MCF2: variants seen among roughly 807,000 people sequenced by gnomAD.
MCF2 encodes MCF.2 cell line derived transforming sequence.
A neutral mutation model predicts 82.5 loss-of-function variants in MCF2; 44 were observed. The ratio of observed to expected loss-of-function variants is 0.53; its 90% CI spans 0.42 to 0.69. The LOEUF is 0.69. Ranked by LOEUF, MCF2 falls within the 30% of genes least tolerant of loss-of-function variation. The pLI is 0.00. For missense variants in MCF2, 623 were observed against 663.1 expected, an observed-to-expected ratio of 0.94 and a Z score of 0.66; for synonymous variants, 217 against 224.9, an observed-to-expected ratio of 0.96 and a Z score of 0.32.
intron 1 of MCF2, among the ~76,000 whole-genome samples, chrX:139,636,074 A>T (rs763822419): frequency 8.9e-6 from 1 of 112,049 alleles, no homozygotes; most frequent in East Asian, 2.8e-4. Context: ...AAATATTAAT[A>T]AGATAGTTTT....
At chrX:139,642,536 A>G in exon 1 of MCF2, 1 of 1,211,388 alleles carries the variant, frequency 8.3e-7, no homozygotes. Context: ...GTACGCAATT[A>G]CACTTTTCTT....
Position 139,684,031 on chromosome X carries a change from C to T in MCF2, c.-45+24075G>A, listed in dbSNP as rs139919968. Among the ~76,000 whole-genome samples, 911 of 112,332 alleles carry T rather than the reference C, an allele frequency of 8.1e-3. 7 individuals are homozygous for T. Among genetic ancestry groups the T allele is most frequent in the African/African-American group, 0.028 (863 of 31,002 alleles). On this transcript the variant is annotated intron_variant, in intron 1 of 27. Transcript: ENST00000414978. ...TGCGATTCAAGGAAACCATGAAGTA[C>T]GTAAAAAGACAACCCACAGAGTGGG...
intron 1 of MCF2, among the ~76,000 whole-genome samples, chrX:139,659,178 C>G (rs1339162503): frequency 9.0e-6 from 1 of 110,731 alleles, no homozygotes; most frequent in Non-Finnish European, 1.9e-5. Context: ...GTCCCAGCTA[C>G]TCGGGAGGCC....
chrX:139,584,327 GTTTACC>G (rs1254393628), intron 24 of MCF2, among the ~76,000 whole-genome samples: 3 of 109,886 alleles, frequency 2.7e-5, no homozygotes, highest in Non-Finnish European at 5.7e-5. Flanking sequence ...TAGAGACGAG[GTTTACC>G]CTCTTATACT....
intron 1 of MCF2, among the ~76,000 whole-genome samples, chrX:139,637,418 C>A (rs1380361483): frequency 8.9e-6 from 1 of 111,933 alleles, no homozygotes; most frequent in Non-Finnish European, 1.9e-5. Flanking sequence ...ATTCACTTAA[C>A]CCAGACCATA....
chrX:139,687,231 C>T (rs751620952), intron 1 of MCF2, among the ~76,000 whole-genome samples: 16 of 112,369 alleles, frequency 1.4e-4, no homozygotes, highest in Non-Finnish European at 2.3e-4. Context: ...TTCCTACCTC[C>T]TTCAGGATTT....
At chrX:139,648,822 T>C (rs771777826) in intron 2 of MCF2, among the ~76,000 whole-genome samples, 1 of 112,576 alleles carries the variant, frequency 8.9e-6, no homozygotes, top group South Asian at 3.7e-4. Context: ...CATTTGATCA[T>C]GATAAAGTGG....
chrX:139,666,526 T>C (rs1247314234), intron 1 of MCF2, among the ~76,000 whole-genome samples: 1 of 111,814 alleles, frequency 8.9e-6, no homozygotes, highest in African/African-American at 3.2e-5. Context: ...ACTTTACATG[T>C]ATCATCCCAT....
At chrX:139,600,462 T>C (rs186549707) in intron 16 of MCF2, among the ~76,000 whole-genome samples, 9 of 111,171 alleles carry the variant, frequency 8.1e-5, no homozygotes, top group Admixed American at 5.8e-4. Flanking sequence ...ACAGGCCCTA[T>C]GGACCAAAGG....
In MCF2 at chrX:139,657,439, T is replaced by C. The variant is rs1365697400; in HGVS notation, c.-44-5651A>G. Among the ~76,000 whole-genome samples the C allele has an allele frequency of 8.9e-5, 10 of 112,291 alleles. No individual in the cohort carries two copies. The Admixed American group carries it at 9.4e-4, about 11-fold the overall frequency. ...AGTAGCTCTAGTCTGGCTGTGTCAC[T>C]TGTAAAAATGCAGAACATGGATCAT... On this transcript the variant is annotated intron_variant, in intron 1 of 27. Transcript: ENST00000414978.
At chrX:139,616,043 TAA>T (rs936782937) in intron 9 of MCF2, among the ~76,000 whole-genome samples, 1 of 111,572 alleles carries the variant, frequency 9.0e-6, no homozygotes, top group African/African-American at 3.2e-5. Flanking sequence ...ACCTAGCACA[TAA>T]AAGAGTTTTA....
chrX:139,684,586 T>C (rs988371508), intron 1 of MCF2, among the ~76,000 whole-genome samples: 4 of 112,507 alleles, frequency 3.6e-5, no homozygotes, highest in African/African-American at 1.3e-4. Flanking sequence ...CAAATGCCTA[T>C]CATTTTTATT....
chrX:139,599,683 C>T (rs756430586), intron 16 of MCF2, among the ~76,000 whole-genome samples: 1 of 111,367 alleles, frequency 9.0e-6, no homozygotes, highest in Non-Finnish European at 1.9e-5. Context: ...GGATATGGAG[C>T]AATTAATACC....
intron 1 of MCF2, among the ~76,000 whole-genome samples, chrX:139,660,836 A>G (rs895808517): frequency 2.0e-4 from 23 of 112,198 alleles, no homozygotes; most frequent in African/African-American, 7.1e-4. Context: ...AATTCAATTC[A>G]GCAAATATCC....
upstream of MCF2, among the ~76,000 whole-genome samples, chrX:139,646,311 G>C (rs12853464): frequency 0.42 from 46,169 of 110,111 alleles, 8,667 homozygotes; most frequent in Non-Finnish European, 0.6. Flanking sequence ...AAATCTCTAA[G>C]AAACCTTTTT....
chrX:139,587,580 T>A (rs1375307812), intron 22 of MCF2, 136 bp downstream of exon 26: 3 of 460,554 alleles, frequency 6.5e-6, no homozygotes, highest in South Asian at 7.4e-5. Flanking sequence ...CAGAAAATGA[T>A]GTTTATGGAA....
intron 1 of MCF2, among the ~76,000 whole-genome samples, chrX:139,678,810 A>T (rs565468365): frequency 2.8e-4 from 32 of 112,374 alleles, no homozygotes; most frequent in Middle Eastern, 4.6e-3. Context: ...AACATTTTTT[A>T]AAAAATCTAA....
At chrX:139,610,486 T>G (rs1237253157) in intron 10 of MCF2, 148 bp from the exon 15 acceptor site, 1 of 377,852 alleles carries the variant, frequency 2.6e-6, no homozygotes, top group East Asian at 4.8e-5. Context: ...GAAGATAATG[T>G]TTGGTTGGAC....
chrX:139,659,319 A>G (rs1221178476), intron 1 of MCF2, among the ~76,000 whole-genome samples: 2 of 111,533 alleles, frequency 1.8e-5, no homozygotes, highest in Non-Finnish European at 3.8e-5. Flanking sequence ...AATTAAAAAA[A>G]AAACTATTTC....
Sources: gnomAD v4.1 joint callset for allele counts (sites outside exome capture counted in the v4.1 genomes callset) on GRCh38, gnomAD v4.1.1 for gene constraint, MANE v1.5 for transcripts, NCBI Gene and HGNC (gene_info 2026-07-23, HGNC 2026-07-21) for gene names.